CAMTA1: variants seen among roughly 807,000 people sequenced by gnomAD.
CAMTA1 encodes calmodulin binding transcription activator 1.
Under a neutral mutation model 170.9 loss-of-function variants are expected in CAMTA1, and 27 were observed. The observed-to-expected ratio is 0.16, with a 90% confidence interval of 0.12 to 0.22. The LOEUF is 0.22. Ranked by LOEUF, CAMTA1 falls within the 10% of genes least tolerant of loss-of-function variation. CAMTA1 has a pLI of 1.00. For synonymous variants in CAMTA1, 833 were observed against 891.5 expected (o/e 0.93, Z 1.17); for missense variants, 1,619 against 2,217.2 (o/e 0.73, Z 5.42).
intron 5 of CAMTA1, among the ~76,000 whole-genome samples, chr1:7,257,255 C>T (rs960294082): frequency 6.6e-6 from 1 of 152,170 alleles, no homozygotes; most frequent in Admixed American, 6.5e-5. Flanking sequence ...TGCATCATCT[C>T]ATTCAGTTAC....
intron 3 of CAMTA1, among the ~76,000 whole-genome samples, chr1:6,937,121 C>G (rs1449899189): frequency 6.6e-6 from 1 of 150,856 alleles, no homozygotes; most frequent in Non-Finnish European, 1.5e-5. Context: ...CATCACCATT[C>G]ACCATTTACC....
At chr1:7,232,939 T>G (rs1663106683) in intron 4 of CAMTA1, among the ~76,000 whole-genome samples, 1 of 150,618 alleles carries the variant, frequency 6.6e-6, no homozygotes, top group Non-Finnish European at 1.5e-5. Context: ...GCAAACTCCC[T>G]CCTCCTGCTC....
At chr1:7,691,460 G>A (rs2096310664) in intron 11 of CAMTA1, among the ~76,000 whole-genome samples, 1 of 152,204 alleles carries the variant, frequency 6.6e-6, no homozygotes. Context: ...ATGGAGAACA[G>A]ATTGAAGGAG....
intron 1 of CAMTA1, 86 bp downstream of exon 1, chr1:6,785,661 CCGGGCGGGAGCGCGGGGGCGCGGCGGG>C (rs992651549): frequency 4.0e-6 from 2 of 499,444 alleles, no homozygotes; most frequent in Non-Finnish European, 5.0e-6. Context: ...ATCGGCGGCG[CCGGGCGGGAGCGCGGGGGCGCGGCGGG>C]CGGGCGGGCG....
At chr1:7,156,130 T>A (rs113024804) in intron 4 of CAMTA1, among the ~76,000 whole-genome samples, 7,659 of 91,468 alleles carry the variant, frequency 0.084, 257 homozygotes, top group East Asian at 0.15. Context: ...AAAAAAAAAA[T>A]AGCCAGATGT....
rs1392739259 is a variant in CAMTA1 at position 7,667,459 on chromosome 1, G to A, written c.2652+2260G>A. Among the ~76,000 whole-genome samples, 8 of 152,218 alleles carry A rather than the reference G, an allele frequency of 5.3e-5. 1 individual carries two copies. The East Asian group carries it at 5.8e-4, about 11-fold the overall frequency. On this transcript the variant is annotated intron_variant, in intron 9 of 22. Transcript: ENST00000303635. ...TAAATGGCTGAGAGGGGGTGGCCTC[G>A]AGGCACTCCCAGTCCTAGGACCTGG...
chr1:6,834,435 G>T, intron 3 of CAMTA1: 1 of 222,662 alleles, frequency 4.5e-6, no homozygotes, highest in South Asian at 6.9e-5. Context: ...TGCCTCGTTC[G>T]GCCAGTCCTG....
intron 4 of CAMTA1, among the ~76,000 whole-genome samples, chr1:7,154,647 G>T (rs545694079): frequency 6.6e-6 from 1 of 152,228 alleles, no homozygotes; most frequent in Non-Finnish European, 1.5e-5. Flanking sequence ...AAGGGAAGGG[G>T]TGCTGATGGT....
intron 11 of CAMTA1, among the ~76,000 whole-genome samples, chr1:7,703,450 G>A (rs1028187001): frequency 1.4e-4 from 22 of 152,212 alleles, no homozygotes; most frequent in Non-Finnish European, 2.6e-4. Flanking sequence ...CCCAAGGGAA[G>A]CCATGGACGA....
intron 4 of CAMTA1, among the ~76,000 whole-genome samples, chr1:7,170,020 G>A (rs1006384088): frequency 2.0e-4 from 30 of 151,988 alleles, no homozygotes; most frequent in African/African-American, 7.0e-4. Flanking sequence ...TTTGTTTCCT[G>A]TTTTGTGAAT....
At chr1:6,848,677 A>G (rs924337028) in intron 3 of CAMTA1, among the ~76,000 whole-genome samples, 1 of 152,216 alleles carries the variant, frequency 6.6e-6, no homozygotes, top group East Asian at 1.9e-4. Context: ...ATCCTGTCAC[A>G]CTTTTTCTCT....
chr1:7,251,265 T>C lies in CAMTA1; in HGVS notation c.438+1639T>C, dbSNP rs900988908. Among the ~76,000 whole-genome samples the C allele has an allele frequency of 4.6e-5, 7 of 152,208 alleles. No homozygotes were observed. Among genetic ancestry groups the C allele is most frequent in the African/African-American group, 1.7e-4 (7 of 41,450 alleles). On this transcript the variant is annotated intron_variant, in intron 5 of 22. Transcript: ENST00000303635. This position sits in a 1 kb window ranked among gnomAD's most constrained non-coding sequence, Gnocchi z 5.1. Reference sequence around the variant, plus strand: ...GGAGAAAACAACCCACAGTGTTCGTTTTCTTTCCTCATGTTATAAATTAGA... The same window carrying C: ...GGAGAAAACAACCCACAGTGTTCGTCTTCTTTCCTCATGTTATAAATTAGA...
At chr1:7,385,991 T>C (rs1047976621) in intron 5 of CAMTA1, among the ~76,000 whole-genome samples, 1 of 152,110 alleles carries the variant, frequency 6.6e-6, no homozygotes, top group Non-Finnish European at 1.5e-5. Context: ...TCCCCCATGC[T>C]AAGGGTGCTG....
At chr1:7,418,281 C>CA (rs1408851613) in intron 5 of CAMTA1, among the ~76,000 whole-genome samples, 3 of 152,174 alleles carry the variant, frequency 2.0e-5, no homozygotes, top group African/African-American at 7.2e-5. Context: ...CTGCAACCTC[C>CA]ACCTCCCAGG....
intron 4 of CAMTA1, among the ~76,000 whole-genome samples, chr1:7,151,794 A>G (rs1207993329): frequency 2.6e-5 from 4 of 152,194 alleles, no homozygotes; most frequent in African/African-American, 9.7e-5. Context: ...GTTTCCTTCC[A>G]GTGGGTTCGA....
intron 4 of CAMTA1, among the ~76,000 whole-genome samples, chr1:7,168,819 G>A (rs1392645854): frequency 6.6e-6 from 1 of 152,202 alleles, no homozygotes; most frequent in Non-Finnish European, 1.5e-5. Context: ...TAGTTGAGTA[G>A]AAATATTAAT....
intron 3 of CAMTA1, among the ~76,000 whole-genome samples, chr1:6,851,922 G>T (rs1570926777): frequency 6.6e-6 from 1 of 151,090 alleles, no homozygotes; most frequent in Non-Finnish European, 1.5e-5. Flanking sequence ...GCTGAGGCAC[G>T]AGAATTGCTT....
At chr1:7,165,184 A>T (rs1648117020) in intron 4 of CAMTA1, among the ~76,000 whole-genome samples, 1 of 152,218 alleles carries the variant, frequency 6.6e-6, no homozygotes, top group Non-Finnish European at 1.5e-5. Context: ...CATAGAAATG[A>T]GTGGTTGGAG....
At chr1:7,214,510 G>C (rs1659390825) in intron 4 of CAMTA1, among the ~76,000 whole-genome samples, 1 of 152,018 alleles carries the variant, frequency 6.6e-6, no homozygotes, top group African/African-American at 2.4e-5. Context: ...GGGACTATAG[G>C]TGCCTACCAC....
Sources: allele counts gnomAD v4.1 joint callset (sites outside exome capture counted in the v4.1 genomes callset), GRCh38; gene constraint gnomAD v4.1.1; non-coding constraint Gnocchi (gnomAD v3.1); transcripts MANE v1.5; gene names NCBI Gene and HGNC (gene_info 2026-07-23, HGNC 2026-07-21).